DDAH1: variants seen among roughly 807,000 people sequenced by gnomAD.
The protein encoded by DDAH1 is N(G),N(G)-dimethylarginine dimethylaminohydrolase 1.
A neutral mutation model predicts 28.8 loss-of-function variants in DDAH1; 19 were observed. The ratio of observed to expected loss-of-function variants is 0.66; its 90% CI spans 0.46 to 0.97. The LOEUF (loss-of-function observed/expected upper bound fraction) is 0.97, where lower values mean the gene tolerates loss of function less well. Among genes scored for constraint, DDAH1 ranks in the 50% least tolerant of loss-of-function variants. The pLI is 0.00. For synonymous variants in DDAH1, 153 were observed against 154.4 expected (o/e 0.99, Z 0.07); for missense variants, 326 against 375.9 (o/e 0.87, Z 1.10).
intron 1 of DDAH1, among the ~76,000 whole-genome samples, chr1:85,389,380 TACTA>T (rs1290447568): frequency 2.6e-5 from 4 of 152,238 alleles, no homozygotes; most frequent in South Asian, 2.1e-4. Flanking sequence ...AAATATTATT[TACTA>T]ACTATTAAAT....
chr1:85,441,669 A>C (rs1654203806), intron 1 of DDAH1, among the ~76,000 whole-genome samples: 1 of 152,200 alleles, frequency 6.6e-6, no homozygotes, highest in South Asian at 2.1e-4. Context: ...ACTTTATCCT[A>C]ATAATAGCAG....
chr1:85,476,000 C>A (rs1226200769), intron 2 of DDAH1, among the ~76,000 whole-genome samples: 1 of 152,084 alleles, frequency 6.6e-6, no homozygotes, highest in African/African-American at 2.4e-5. Context: ...TAGAGGTGCA[C>A]GCCACCACAC....
At chr1:85,466,929 C>T (rs770967187), upstream of DDAH1, among the ~76,000 whole-genome samples, 6 of 141,652 alleles carry the variant, frequency 4.2e-5, no homozygotes, top group African/African-American at 1.1e-4. Context: ...CCTCTGCAAC[C>T]GGGGTTCAAG....
rs1183178767 is a variant in DDAH1 at position 85,341,814 on chromosome 1, A to G, written c.597+8601T>C. On this transcript the variant is annotated intron_variant, in intron 4 of 5. Transcript: ENST00000284031. ...GGTGACAGAGCGAGACTCTGTCTCAAAAACAAAAACAAAGAGAAAAACAAA... is the reference window on the plus strand; with the variant it reads ...GGTGACAGAGCGAGACTCTGTCTCAGAAACAAAAACAAAGAGAAAAACAAA... Among the ~76,000 whole-genome samples the G allele has an allele frequency of 2.6e-5, 4 of 151,462 alleles. No homozygotes were observed. The Middle Eastern group carries it at 0.01, about 392-fold the overall frequency.
chr1:85,500,059 TTTC>T (rs1056329704), intron 1 of DDAH1, among the ~76,000 whole-genome samples: 11 of 151,312 alleles, frequency 7.3e-5, no homozygotes, highest in African/African-American at 2.7e-4. Context: ...TTCTCTCTCT[TTTC>T]TTTTCTTTTC....
intron 1 of DDAH1, among the ~76,000 whole-genome samples, chr1:85,548,696 A>G (rs1460495625): frequency 6.6e-6 from 1 of 152,176 alleles, no homozygotes; most frequent in East Asian, 1.9e-4. Flanking sequence ...TATAATTTAG[A>G]TTTGCATTTC....
intron 5 of DDAH1, 91 bp from the exon 6 acceptor site, chr1:85,321,659 C>A: frequency 1.0e-6 from 1 of 982,412 alleles, no homozygotes; most frequent in Admixed American, 1.8e-5. Flanking sequence ...TACATCTAGG[C>A]TTTTCATTCA....
At chr1:85,442,130 T>C (rs1654225492) in intron 1 of DDAH1, among the ~76,000 whole-genome samples, 1 of 152,106 alleles carries the variant, frequency 6.6e-6, no homozygotes. Context: ...CTGCACCCAT[T>C]CACTCATCAT....
upstream of DDAH1, among the ~76,000 whole-genome samples, chr1:85,465,512 C>A (rs1655342828): frequency 6.6e-6 from 1 of 152,200 alleles, no homozygotes; most frequent in Non-Finnish European, 1.5e-5. Flanking sequence ...TGGAGGGCTT[C>A]CTGGTCTTTA....
At chr1:85,442,850 T>A (rs1654264280) in intron 1 of DDAH1, among the ~76,000 whole-genome samples, 1 of 152,234 alleles carries the variant, frequency 6.6e-6, no homozygotes, top group Non-Finnish European at 1.5e-5. Context: ...TCTGCTCATA[T>A]CCTTTGCCCA....
intron 1 of DDAH1, among the ~76,000 whole-genome samples, chr1:85,369,275 G>C (rs1484160116): frequency 6.7e-6 from 1 of 148,420 alleles, no homozygotes; most frequent in Non-Finnish European, 1.5e-5. Context: ...GCCCAGGCTC[G>C]GGGCATTCTA....
chr1:85,559,464 A>G (rs1486041673), intron 1 of DDAH1, among the ~76,000 whole-genome samples: 1 of 152,210 alleles, frequency 6.6e-6, no homozygotes, highest in African/African-American at 2.4e-5. Context: ...AAATTACTGG[A>G]CATACCAAGA....
chr1:85,431,468 G>T (rs1220676212), intron 1 of DDAH1, among the ~76,000 whole-genome samples: 1 of 151,658 alleles, frequency 6.6e-6, no homozygotes, highest in African/African-American at 2.4e-5. Flanking sequence ...GACTGAAGGG[G>T]ACTAGGCTGT....
chr1:85,395,791 C>G (rs1651785143), intron 1 of DDAH1, among the ~76,000 whole-genome samples: 1 of 151,970 alleles, frequency 6.6e-6, no homozygotes, highest in Non-Finnish European at 1.5e-5. Context: ...TGAGTGTGAT[C>G]AAGTTGGCTA....
At chr1:85,426,594 A>G (rs1364314410) in intron 1 of DDAH1, among the ~76,000 whole-genome samples, 1 of 152,202 alleles carries the variant, frequency 6.6e-6, no homozygotes, top group African/African-American at 2.4e-5. Flanking sequence ...CTATCAATAA[A>G]TTACCTGACA....
chr1:85,539,475 A>G (rs1310536624), intron 1 of DDAH1, among the ~76,000 whole-genome samples: 1 of 152,074 alleles, frequency 6.6e-6, no homozygotes, highest in East Asian at 1.9e-4. Context: ...CTCCTGGATA[A>G]TCTCCATCTG....
chr1:85,552,815 G>T (rs571516444), intron 1 of DDAH1, among the ~76,000 whole-genome samples: 1 of 152,242 alleles, frequency 6.6e-6, no homozygotes, highest in African/African-American at 2.4e-5. Flanking sequence ...GGCCAAAGTA[G>T]ATTATATTTT....
intron 1 of DDAH1, among the ~76,000 whole-genome samples, chr1:85,454,427 A>T (rs1480576242): frequency 1.3e-5 from 2 of 152,218 alleles, no homozygotes; most frequent in East Asian, 1.9e-4. Context: ...ATGACTGGAT[A>T]GAAAGTAATG....
At chr1:85,333,079 G>C (rs1647881245) in intron 4 of DDAH1, among the ~76,000 whole-genome samples, 1 of 152,204 alleles carries the variant, frequency 6.6e-6, no homozygotes, top group Non-Finnish European at 1.5e-5. Context: ...CGGGACCCAA[G>C]AACAGGCATG....
Sources: gnomAD v4.1 joint callset for allele counts (sites outside exome capture counted in the v4.1 genomes callset) on GRCh38, gnomAD v4.1.1 for gene constraint, MANE v1.5 for transcripts, NCBI Gene and HGNC (gene_info 2026-07-23, HGNC 2026-07-21) for gene names.